Variants in TLL2 observed in about 807,000 individuals in gnomAD.
The protein encoded by TLL2 is tolloid-like protein 2.
In TLL2, 106 loss-of-function variants were observed where a neutral mutation model predicts 123.0. The observed-to-expected ratio is 0.86, with a 90% CI of 0.74 to 1.01. TLL2 has a LOEUF of 1.01. TLL2 is among the 50% of genes least tolerant of loss of function. The probability of loss-of-function intolerance (pLI) is 0.00; values close to 1 mark genes in which losing one functional copy is unlikely to be tolerated. For synonymous variants in TLL2, 494 were observed against 516.8 expected (o/e 0.96, Z 0.60); for missense variants, 1,332 against 1,336.7 (o/e 1.00, Z 0.06).
In TLL2 at chr10:96,370,135, T is replaced by C; in HGVS notation, c.2843A>G (p.Tyr948Cys). Residue 948 changes from tyrosine (Y) to cysteine (C), a missense_variant, in exon 20 of 21, where the codon TAC becomes TGC. Physicochemically the swap from Tyr to Cys is radical, Grantham distance 194. Transcript: ENST00000357947. ...GCCGTCGTAGGCTTCCATGTAGTCG[T>C]AGCCGCAGTCGGCCTCCTCCTCAAC... ...FEVEEEADCG[Y>C]DYMEAYDGYD... 1 of 1,614,030 alleles carries C rather than the reference T, an allele frequency of 6.2e-7. No individual in the cohort carries two copies. The highest frequency in any genetic ancestry group is 8.5e-7 in the Non-Finnish European group (1 of 1,179,950).
At chr10:96,500,589 C>A (rs11188800) in intron 1 of TLL2, among the ~76,000 whole-genome samples, 2 of 151,994 alleles carry the variant, frequency 1.3e-5, no homozygotes, top group Non-Finnish European at 2.9e-5. Flanking sequence ...AGGTCAGGAG[C>A]TCGGGACCAG....
rs1846758150 is a variant in TLL2 at position 96,432,819 on chromosome 10, C to T, written c.508G>A (p.Gly170Arg). ...PGGVIPYVIGGNFTGSQRAIF... is the reference protein window; with the variant it reads ...PGGVIPYVIGRNFTGSQRAIF... ...TGTGGCTACTGACCAGTGAAGTTCC[C>T]TCCAATGACGTAGGGGATGACTCCT... The change falls in exon 4 of 21, where the codon GGG becomes AGG. Residue 170 changes from glycine (G) to arginine (R), a missense_variant. Transcript: ENST00000357947. The T allele has an allele frequency of 1.2e-6, 2 of 1,613,986 alleles. No individual in the cohort carries two copies. Among genetic ancestry groups the T allele is most frequent in the African/African-American group, 1.3e-5 (1 of 75,028 alleles).
intron 10 of TLL2, among the ~76,000 whole-genome samples, chr10:96,400,357 C>A (rs1846380966): frequency 3.6e-5 from 4 of 109,880 alleles, no homozygotes; most frequent in African/African-American, 7.0e-5. Flanking sequence ...CTACTACCAT[C>A]AAAAAAAAAA....
chr10:96,409,401 C>CCTAGGTTACTCTAGGT (rs1846480217), intron 9 of TLL2, among the ~76,000 whole-genome samples: 1 of 152,158 alleles, frequency 6.6e-6, no homozygotes, highest in African/African-American at 2.4e-5. Flanking sequence ...CTAACCTAGA[C>CCTAGGTTACTCTAGGT]CTAGGGAACA....
chr10:96,479,018 G>A (rs894585969), intron 2 of TLL2, among the ~76,000 whole-genome samples: 5 of 152,162 alleles, frequency 3.3e-5, no homozygotes, highest in Non-Finnish European at 7.3e-5. Flanking sequence ...CAGGCCTCCA[G>A]GTAAGAGCTG....
intron 1 of TLL2, among the ~76,000 whole-genome samples, chr10:96,493,252 G>A (rs149608827): frequency 3.3e-4 from 51 of 152,306 alleles, no homozygotes; most frequent in East Asian, 2.3e-3. Context: ...ACTGCCATGC[G>A]TCTTTGGCTC....
Position 96,365,497 on chromosome 10 carries a change from A to G in TLL2, c.*2591T>C, listed in dbSNP as rs1846016031. On this transcript the variant is annotated 3_prime_UTR_variant, in exon 21 of 21. Transcript: ENST00000357947. Reference sequence around the variant, plus strand: ...CCTGTTGTCCTAAGACAATTCTCTGAACTAAAACTATTCTTGCAACTCACT... The same window carrying G: ...CCTGTTGTCCTAAGACAATTCTCTGGACTAAAACTATTCTTGCAACTCACT... The G allele has an allele frequency of 1.3e-5, 2 of 152,260 alleles. No homozygotes were observed. The highest frequency in any genetic ancestry group is 4.1e-4 in the South Asian group (2 of 4,832). 9.4% of individuals were successfully genotyped at this position (152,260 alleles called of 1,614,324 possible). A position where few individuals can be genotyped will look rare whatever the true frequency, so the allele number is the denominator to read the frequency against.
At chr10:96,510,338 G>A (rs1026208105) in intron 1 of TLL2, among the ~76,000 whole-genome samples, 2 of 152,104 alleles carry the variant, frequency 1.3e-5, no homozygotes, top group African/African-American at 4.8e-5. Flanking sequence ...ACACCCCCCA[G>A]AAGCCCCATG....
intron 1 of TLL2, among the ~76,000 whole-genome samples, chr10:96,485,150 C>A (rs1305968713): frequency 6.6e-6 from 1 of 152,140 alleles, no homozygotes; most frequent in Non-Finnish European, 1.5e-5. Context: ...GAATCAATGA[C>A]CTAAATGTAG....
chr10:96,450,047 T>G (rs1417344446), intron 2 of TLL2, among the ~76,000 whole-genome samples: 2 of 152,144 alleles, frequency 1.3e-5, no homozygotes, highest in Non-Finnish European at 2.9e-5. Flanking sequence ...GGGATTTTGT[T>G]ATGTCTAACA....
intron 3 of TLL2, among the ~76,000 whole-genome samples, chr10:96,442,898 T>C (rs975577695): frequency 3.3e-5 from 5 of 152,206 alleles, no homozygotes; most frequent in African/African-American, 7.2e-5. Context: ...CTTGAGCCTC[T>C]TTTAAGTTCC....
chr10:96,481,569 G>C (rs1027878130), intron 1 of TLL2, among the ~76,000 whole-genome samples: 2 of 152,168 alleles, frequency 1.3e-5, no homozygotes, highest in African/African-American at 4.8e-5. Flanking sequence ...GTTACTAGAG[G>C]CTGAAAGGAA....
rs535852613 is a variant in TLL2 at position 96,383,724 on chromosome 10, G to A, written c.2194+863C>T. Among the ~76,000 whole-genome samples, 5 of 151,966 alleles carry A rather than the reference G, an allele frequency of 3.3e-5. No individual in the cohort carries two copies. In the East Asian group the frequency reaches 5.8e-4, roughly 18 times the overall value. ...CAACCTCCACCTCCTGTGTTCAAGC[G>A]ATTCTCCTGCTTCAGCCTCACGAGT... is the stretch of plus-strand genomic sequence containing the variant. On this transcript the variant is annotated intron_variant, in intron 16 of 20. Transcript: ENST00000357947.
intron 2 of TLL2, among the ~76,000 whole-genome samples, chr10:96,477,896 T>C (rs2134102943): frequency 6.6e-6 from 1 of 152,320 alleles, no homozygotes; most frequent in East Asian, 1.9e-4. Context: ...TCTCTGCTGA[T>C]GTTGGCCAGC....
intron 10 of TLL2, among the ~76,000 whole-genome samples, chr10:96,404,747 T>C (rs887811729): frequency 6.6e-6 from 1 of 152,200 alleles, no homozygotes; most frequent in African/African-American, 2.4e-5. Context: ...TGCATAAATG[T>C]ATTTTTTAAT....
At chr10:96,433,941 A>G (rs568876669) in intron 3 of TLL2, among the ~76,000 whole-genome samples, 9 of 152,070 alleles carry the variant, frequency 5.9e-5, no homozygotes, top group Middle Eastern at 3.4e-3. Flanking sequence ...ATGCCTGGCT[A>G]ATTTTTGTAT....
At position 96,480,386 on chromosome 10, in the gene TLL2, C is replaced by T. The variant is rs781079927; in HGVS notation, c.249G>A (p.Trp83Ter). ...CTGTTGCCCCCACTGTCTGCTTGGT[C>T]CAGTCTCTGGCTTTGTCAATGTGAA... The part of the protein sequence containing the change: ...KLFHIDKARD[W>*]TKQTVGATGH... The change falls in exon 2 of 21, where the codon TGG becomes TGA. Residue 83 changes from tryptophan to a stop codon, truncating the protein, a stop_gained. Coordinates refer to ENST00000357947, the MANE Select transcript of TLL2 (RefSeq NM_012465.4). LOFTEE classifies it high-confidence loss of function. The T allele has an allele frequency of 1.2e-6, 2 of 1,614,094 alleles. No individual in the cohort carries two copies. The highest frequency in any genetic ancestry group is 1.3e-5 in the African/African-American group (1 of 74,924).
chr10:96,385,149 G>A (rs978097041), intron 15 of TLL2, among the ~76,000 whole-genome samples: 2 of 152,186 alleles, frequency 1.3e-5, no homozygotes, highest in African/African-American at 4.8e-5. Context: ...GCAAGAGGAA[G>A]AGGAGGAGGA....
At chr10:96,450,014 T>C (rs1479057603) in intron 2 of TLL2, among the ~76,000 whole-genome samples, 1 of 152,184 alleles carries the variant, frequency 6.6e-6, no homozygotes, top group Non-Finnish European at 1.5e-5. Context: ...CCCCATGATT[T>C]AGCTTTTCAC....
Sources: allele counts gnomAD v4.1 joint callset (sites outside exome capture counted in the v4.1 genomes callset), GRCh38; gene constraint gnomAD v4.1.1; transcripts MANE v1.5; gene names NCBI Gene and HGNC (gene_info 2026-07-23, HGNC 2026-07-21).